YWHAG: variants seen among roughly 807,000 people sequenced by gnomAD.
The protein encoded by YWHAG is tyrosine 3-monooxygenase/tryptophan 5-monooxygenase activation protein gamma, also known as 14-3-3 protein gamma.
YWHAG carries 1 observed loss-of-function variant against 23.3 expected under a neutral mutation model. That is an observed-to-expected ratio of 0.04 (90% CI 0.02 to 0.20). The LOEUF is 0.20. Among genes scored for constraint, YWHAG ranks in the 10% least tolerant of loss-of-function variants. The probability of loss-of-function intolerance (pLI) is 1.00; values close to 1 mark genes in which losing one functional copy is unlikely to be tolerated. For missense variants in YWHAG, 151 were observed against 338.6 expected, an observed-to-expected ratio of 0.45 and a Z score of 4.35; for synonymous variants, 160 against 144.0, an observed-to-expected ratio of 1.11 and a Z score of -0.80.
rs1803493597 is a variant in YWHAG at position 76,328,785 on chromosome 7, G to C, written c.*792C>G. ...AATTTTGGTGGTGGATTTACGTTAAGAGGAAAGAAGGACCAAAAAAAAAAA... is the reference window on the plus strand; with the variant it reads ...AATTTTGGTGGTGGATTTACGTTAACAGGAAAGAAGGACCAAAAAAAAAAA... On this transcript the variant is annotated 3_prime_UTR_variant, in exon 2 of 2. Transcript: ENST00000307630. 7.7e-6 allele frequency: 1 copy of C among 129,300 alleles called. No individual in the cohort carries two copies. The highest frequency in any genetic ancestry group is 1.6e-5 in the Non-Finnish European group (1 of 60,754). 8.0% of individuals were successfully genotyped at this position (129,300 alleles called of 1,614,324 possible). A position where few individuals can be genotyped will look rare whatever the true frequency, so the allele number is the denominator to read the frequency against.
At chr7:76,347,408 C>A (rs10257054) in intron 1 of YWHAG, among the ~76,000 whole-genome samples, 333 of 152,262 alleles carry the variant, frequency 2.2e-3, no homozygotes, top group African/African-American at 7.7e-3. Context: ...ACCAGCCTGA[C>A]CAACATGGTG....
At chr7:76,333,656 C>A (rs920541423) in intron 1 of YWHAG, among the ~76,000 whole-genome samples, 3 of 152,224 alleles carry the variant, frequency 2.0e-5, no homozygotes, top group African/African-American at 7.2e-5. Context: ...TGAAAAAAAA[C>A]TGCCCAGACT....
intron 1 of YWHAG, among the ~76,000 whole-genome samples, chr7:76,346,860 G>C (rs1342263281): frequency 6.6e-6 from 1 of 152,122 alleles, no homozygotes; most frequent in African/African-American, 2.4e-5. Context: ...TTCGTGAACT[G>C]TTTCCTGTTA....
chr7:76,335,325 G>C lies in YWHAG; in HGVS notation c.88-5092C>G, dbSNP rs1389236422. 2.0e-5 allele frequency among the ~76,000 whole-genome samples: 3 copies of C among 152,154 alleles called. 1 individual carries two copies. In the South Asian group the frequency reaches 6.2e-4, roughly 32 times the overall value. On this transcript the variant is annotated intron_variant, in intron 1 of 1. Transcript: ENST00000307630. Reference sequence around the variant, plus strand: ...CCCGCCTCGGCCTCCCAAAGTGCTGGGATTACAGGCGTGAGCCACCGCGCC... The same window carrying C: ...CCCGCCTCGGCCTCCCAAAGTGCTGCGATTACAGGCGTGAGCCACCGCGCC...
chr7:76,337,500 C>A (rs1803632831), intron 1 of YWHAG, among the ~76,000 whole-genome samples: 1 of 151,686 alleles, frequency 6.6e-6, no homozygotes, highest in South Asian at 2.1e-4. Context: ...CTGGCTTCCT[C>A]TGATTTTCAT....
intron 1 of YWHAG, among the ~76,000 whole-genome samples, chr7:76,337,041 C>G (rs1436429370): frequency 1.3e-5 from 2 of 152,212 alleles, no homozygotes; most frequent in African/African-American, 4.8e-5. Flanking sequence ...GAAAGACAAC[C>G]TATGTTTACT....
intron 1 of YWHAG, among the ~76,000 whole-genome samples, chr7:76,358,124 G>A (rs1803988097): frequency 6.6e-6 from 1 of 152,182 alleles, no homozygotes; most frequent in South Asian, 2.1e-4. Context: ...AGAAAAACGT[G>A]AGCAAGGTGG....
At chr7:76,341,889 A>AT (rs374496245) in intron 1 of YWHAG, among the ~76,000 whole-genome samples, 1 of 152,220 alleles carries the variant, frequency 6.6e-6, no homozygotes, top group African/African-American at 2.4e-5. Context: ...TATGTAAACT[A>AT]TATCTCAACA....
At chr7:76,352,527 A>C (rs149266204) in intron 1 of YWHAG, among the ~76,000 whole-genome samples, 9 of 152,344 alleles carry the variant, frequency 5.9e-5, no homozygotes, top group African/African-American at 1.9e-4. Flanking sequence ...TTCTCTCTCC[A>C]AAGACAGGTA....
In YWHAG at chr7:76,327,143, T is replaced by C. The variant is rs1021111864; in HGVS notation, c.*2434A>G. 1.1e-4 allele frequency: 16 copies of C among 152,080 alleles called. No homozygotes were observed. Among genetic ancestry groups the C allele is most frequent in the Non-Finnish European group, 1.9e-4 (13 of 68,012 alleles). The allele number at this position is 152,080 out of a possible 1,614,324, so 9.4% of individuals were successfully genotyped here. On this transcript the variant is annotated 3_prime_UTR_variant, in exon 2 of 2. Coordinates refer to ENST00000307630, the MANE Select transcript of YWHAG (RefSeq NM_012479.4). ...CAAAATATATAACTGCATGTCACTA[T>C]AGCAACATCCAAAACAGATCAATTT...
intron 1 of YWHAG, among the ~76,000 whole-genome samples, chr7:76,331,405 G>A (rs1006092585): frequency 6.6e-5 from 10 of 152,150 alleles, no homozygotes; most frequent in Non-Finnish European, 1.0e-4. Context: ...GAGACGACAG[G>A]TAGGGACCTA....
chr7:76,334,292 G>A (rs1803586538), intron 1 of YWHAG, among the ~76,000 whole-genome samples: 1 of 152,134 alleles, frequency 6.6e-6, no homozygotes, highest in African/African-American at 2.4e-5. Context: ...CCTCTTAAAA[G>A]AACAAGTTAT....
At chr7:76,337,441 T>C (rs1418876725) in intron 1 of YWHAG, among the ~76,000 whole-genome samples, 1 of 152,174 alleles carries the variant, frequency 6.6e-6, no homozygotes, top group East Asian at 1.9e-4. Context: ...GGAATAATGA[T>C]GCGTATCCCG....
At chr7:76,348,412 T>C (rs1181642506) in intron 1 of YWHAG, among the ~76,000 whole-genome samples, 1 of 148,022 alleles carries the variant, frequency 6.8e-6, no homozygotes, top group East Asian at 2.0e-4. Flanking sequence ...CACGCCACCA[T>C]GCCCGCTAAT....
intron 1 of YWHAG, among the ~76,000 whole-genome samples, chr7:76,351,134 T>C (rs1164027952): frequency 6.6e-6 from 1 of 151,880 alleles, no homozygotes; most frequent in Non-Finnish European, 1.5e-5. Flanking sequence ...GTGATTCTTC[T>C]TGTCATTTCC....
At chr7:76,340,075 C>T (rs779607160) in intron 1 of YWHAG, among the ~76,000 whole-genome samples, 2 of 152,154 alleles carry the variant, frequency 1.3e-5, no homozygotes, top group Middle Eastern at 3.4e-3. Context: ...GGCGACACAG[C>T]GAGACTCCAT....
chr7:76,331,602 GTGTGGCCCAAGGGAA>G (rs898570742), intron 1 of YWHAG, among the ~76,000 whole-genome samples: 1 of 148,510 alleles, frequency 6.7e-6, no homozygotes, highest in African/African-American at 2.5e-5. Flanking sequence ...TGTATTTTAT[GTGTGGCCCAAGGGAA>G]TGTGGCCCAG....
intron 1 of YWHAG, among the ~76,000 whole-genome samples, chr7:76,344,848 A>G (rs564247082): frequency 3.5e-4 from 54 of 152,318 alleles, no homozygotes; most frequent in African/African-American, 6.5e-4. Context: ...ACTCTTACCT[A>G]TAAGACTTAC....
intron 1 of YWHAG, among the ~76,000 whole-genome samples, chr7:76,334,864 T>G (rs1803594987): frequency 6.6e-6 from 1 of 152,148 alleles, no homozygotes; most frequent in South Asian, 2.1e-4. Flanking sequence ...CACCTCAGCC[T>G]CCCATCACAC....
Sources: allele counts gnomAD v4.1 joint callset (sites outside exome capture counted in the v4.1 genomes callset), GRCh38; gene constraint gnomAD v4.1.1; transcripts MANE v1.5; gene names NCBI Gene and HGNC (gene_info 2026-07-23, HGNC 2026-07-21).